COL24A1: variants seen among roughly 807,000 people sequenced by gnomAD.
COL24A1 encodes collagen alpha-1(XXIV) chain.
A neutral mutation model predicts 253.9 loss-of-function variants in COL24A1; 224 were observed. The observed-to-expected ratio is 0.88, with a 90% CI of 0.79 to 0.99. The LOEUF is 0.99. COL24A1 is among the 50% of genes least tolerant of loss of function. COL24A1 has a pLI of 0.00. For missense variants in COL24A1, 2,131 were observed against 2,068.5 expected, an observed-to-expected ratio of 1.03 and a Z score of -0.59; for synonymous variants, 685 against 673.7, an observed-to-expected ratio of 1.02 and a Z score of -0.26.
chr1:86,137,303 T>C lies in COL24A1; in HGVS notation c.121+8816A>G, dbSNP rs1177883750. Among the ~76,000 whole-genome samples, 3 of 152,174 alleles carry C rather than the reference T, an allele frequency of 2.0e-5. No individual in the cohort carries two copies. In the East Asian group the frequency reaches 5.8e-4, roughly 29 times the overall value. The stretch of plus-strand genomic sequence containing the variant: ...TTACATTTTTAAAAAATAAGAATTA[T>C]AGCAGCATGTATTAAATTTCCATGT... On this transcript the variant is annotated intron_variant, in intron 2 of 59. Coordinates refer to ENST00000370571, the MANE Select transcript of COL24A1 (RefSeq NM_152890.7).
intron 15 of COL24A1, 24 bp downstream of exon 15, chr1:86,022,930 T>A (rs1191898485): frequency 6.2e-7 from 1 of 1,612,856 alleles, no homozygotes; most frequent in African/African-American, 1.3e-5. Context: ...AAGGGAAATA[T>A]CCATTATACA....
chr1:85,788,821 C>A (rs1057195425), intron 47 of COL24A1, among the ~76,000 whole-genome samples: 6 of 152,160 alleles, frequency 3.9e-5, no homozygotes, highest in Non-Finnish European at 7.4e-5. Context: ...AGAGGGAATC[C>A]TTTCCACATT....
At chr1:85,853,117 C>T (rs1197149923) in intron 37 of COL24A1, among the ~76,000 whole-genome samples, 1 of 152,212 alleles carries the variant, frequency 6.6e-6, no homozygotes, top group Non-Finnish European at 1.5e-5. Context: ...TCCTCACCCT[C>T]CTCCCACCCT....
chr1:86,032,427 G>T (rs1007930886), intron 13 of COL24A1, among the ~76,000 whole-genome samples: 3 of 151,978 alleles, frequency 2.0e-5, no homozygotes, highest in Non-Finnish European at 4.4e-5. Context: ...AATGAAATTT[G>T]TCATATGTAA....
At chr1:85,806,062 C>T (rs1350072382) in intron 47 of COL24A1, among the ~76,000 whole-genome samples, 5 of 125,448 alleles carry the variant, frequency 4.0e-5, no homozygotes, top group Admixed American at 2.8e-4. Context: ...GGCGACAGAG[C>T]GAGACTCCGT....
chr1:85,777,153 T>C (rs1375704859), intron 52 of COL24A1, among the ~76,000 whole-genome samples: 2 of 151,938 alleles, frequency 1.3e-5, no homozygotes, highest in African/African-American at 4.8e-5. Flanking sequence ...TTTCACCATG[T>C]TGGCCAGGAT....
chr1:86,006,262 T>C (rs567430754), intron 19 of COL24A1, among the ~76,000 whole-genome samples: 49 of 152,058 alleles, frequency 3.2e-4, no homozygotes, highest in African/African-American at 1.1e-3. Context: ...CAAGACTTAC[T>C]ATAAAGCTAC....
At position 86,125,668 on chromosome 1, in the gene COL24A1, T is replaced by C; in HGVS notation, c.668A>G (p.Asp223Gly). ...AGATGCTTCTGCAGAAGGAATAATA[T>C]CTAACTGACATACTATTCCTTCAAA... ...IHFEGIVCQL[D>G]IIPSAEASAD... is the part of the protein sequence containing the mutation. Residue 223 changes from aspartate to glycine, a missense_variant, in exon 3 of 60, where the codon GAT (aspartate) becomes GGT (glycine). Physicochemically the swap from Asp to Gly is moderately conservative, Grantham distance 94. Coordinates refer to ENST00000370571, the MANE Select transcript of COL24A1 (RefSeq NM_152890.7). 2 of 1,611,900 alleles carry C rather than the reference T, an allele frequency of 1.2e-6. No homozygotes were observed. The highest frequency in any genetic ancestry group is 1.7e-6 in the Non-Finnish European group (2 of 1,178,524).
At chr1:85,854,500 A>T (rs1417165483) in intron 37 of COL24A1, among the ~76,000 whole-genome samples, 1 of 152,162 alleles carries the variant, frequency 6.6e-6, no homozygotes, top group African/African-American at 2.4e-5. Context: ...AATGCTGTGA[A>T]AAACGTTCTT....
intron 24 of COL24A1, 121 bp downstream of exon 24, chr1:85,961,128 G>T: frequency 1.4e-6 from 1 of 730,242 alleles, no homozygotes. Context: ...GTTTAAATTT[G>T]TAGTGGATAA....
At chr1:85,838,367 G>A (rs1199336918) in intron 43 of COL24A1, among the ~76,000 whole-genome samples, 1 of 152,150 alleles carries the variant, frequency 6.6e-6, no homozygotes, top group Non-Finnish European at 1.5e-5. Flanking sequence ...CTCTCAGGAG[G>A]TAACATTTCA....
At chr1:86,101,711 A>C (rs1481279874) in intron 5 of COL24A1, among the ~76,000 whole-genome samples, 2 of 152,236 alleles carry the variant, frequency 1.3e-5, no homozygotes, top group Admixed American at 6.5e-5. Flanking sequence ...ATGTTGAAAC[A>C]ACCTTGCATG....
intron 5 of COL24A1, among the ~76,000 whole-genome samples, chr1:86,104,049 G>T (rs1704712244): frequency 6.6e-6 from 1 of 152,184 alleles, no homozygotes; most frequent in African/African-American, 2.4e-5. Flanking sequence ...CTCTTTACAT[G>T]ATCCCCTATT....
chr1:86,052,941 T>C (rs1700417375), intron 10 of COL24A1, among the ~76,000 whole-genome samples: 2 of 151,986 alleles, frequency 1.3e-5, no homozygotes, highest in Admixed American at 1.3e-4. Context: ...GAAATTGCCT[T>C]ATGTTCCACA....
chr1:86,126,193 A>T lies in COL24A1; in HGVS notation c.143T>A (p.Leu48Gln). The change falls in exon 3 of 60, where the codon CTA becomes CAA. Residue 48 changes from leucine to glutamine, a missense_variant. Coordinates refer to ENST00000370571, the MANE Select transcript of COL24A1 (RefSeq NM_152890.7). ...TCTTACGTCTTTGCCTCCAAGGCCT[A>T]GTTGATGAAGAATATCTATGCCTGG... ...QEQGIDILHQ[L>Q]GLGGKDVRHS... 6.3e-7 allele frequency: 1 copy of T among 1,597,436 alleles called. No individual in the cohort carries two copies. The highest frequency in any genetic ancestry group is 1.1e-5 in the South Asian group (1 of 89,914).
In COL24A1 at chr1:86,110,826, C is replaced by T. The variant is rs532857915; in HGVS notation, c.1599+1741G>A. On this transcript the variant is annotated intron_variant, in intron 5 of 59. Transcript: ENST00000370571. ...AGCCCACCATGCCCGACCCCCGCCC[C>T]CCACACCCCATGGGCTGCCGCGCGG... Among the ~76,000 whole-genome samples the T allele has an allele frequency of 2.6e-5, 4 of 152,076 alleles. No homozygotes were observed. The South Asian group carries it at 8.3e-4, about 32-fold the overall frequency.
At chr1:86,144,395 A>G (rs1259613648) in intron 2 of COL24A1, among the ~76,000 whole-genome samples, 1 of 152,120 alleles carries the variant, frequency 6.6e-6, no homozygotes, top group Non-Finnish European at 1.5e-5. Context: ...TTAAACTCAT[A>G]ATGCCAGTGG....
At chr1:85,800,335 C>G (rs1173331975) in intron 47 of COL24A1, among the ~76,000 whole-genome samples, 1 of 152,196 alleles carries the variant, frequency 6.6e-6, no homozygotes, top group African/African-American at 2.4e-5. Context: ...TCCACTCTCT[C>G]TCCTCAGGAA....
At chr1:85,980,119 T>G (rs1693100946) in intron 20 of COL24A1, among the ~76,000 whole-genome samples, 1 of 152,152 alleles carries the variant, frequency 6.6e-6, no homozygotes, top group Non-Finnish European at 1.5e-5. Flanking sequence ...AGAAAAAGCA[T>G]TTGAGAAAAT....
Sources: gnomAD v4.1 joint callset for allele counts (sites outside exome capture counted in the v4.1 genomes callset) on GRCh38, gnomAD v4.1.1 for gene constraint, MANE v1.5 for transcripts, NCBI Gene and HGNC (gene_info 2026-07-23, HGNC 2026-07-21) for gene names.